NEDD4: variants seen among roughly 807,000 people sequenced by gnomAD.
NEDD4 encodes E3 ubiquitin-protein ligase NEDD4.
In NEDD4, 99 loss-of-function variants were observed where a neutral mutation model predicts 144.9. The observed-to-expected ratio is 0.68, with a 90% CI of 0.58 to 0.81. The LOEUF (loss-of-function observed/expected upper bound fraction) is 0.81, where lower values mean the gene tolerates loss of function less well. NEDD4 is among the 30% of genes least tolerant of loss of function. The pLI is 0.00. For missense variants in NEDD4, 985 were observed against 1,065.9 expected (o/e 0.92, Z 1.06); for synonymous variants, 318 against 350.6 (o/e 0.91, Z 1.04).
Position 55,966,563 on chromosome 15 carries a change from T to C in NEDD4, c.46-17A>G. 1 of 1,467,698 alleles carries C rather than the reference T, an allele frequency of 6.8e-7. No homozygotes were observed. The highest frequency in any genetic ancestry group is 9.1e-7 in the Non-Finnish European group (1 of 1,093,340). 90.9% of individuals were successfully genotyped at this position (1,467,698 alleles called of 1,614,324 possible). A position where few individuals can be genotyped will look rare whatever the true frequency, so the allele number is the denominator to read the frequency against. ...TGAATTTTCCTAAAATACAAAAATT[T>C]AGATTTCATTTTCATGTACTTATAA... On this transcript the variant is annotated splice_polypyrimidine_tract_variant and intron_variant, in intron 1 of 28. Coordinates refer to ENST00000435532, the MANE Select transcript of NEDD4 (RefSeq NM_006154.4).
intron 26 of NEDD4, 22 bp downstream of exon 26, chr15:55,834,016 G>T (rs534997328): frequency 6.5e-7 from 1 of 1,535,066 alleles, no homozygotes; most frequent in South Asian, 1.1e-5. Context: ...AGTAAGTTAT[G>T]AAAATAGAAG....
chr15:55,941,503 A>G (rs940731326), intron 4 of NEDD4, among the ~76,000 whole-genome samples: 6 of 151,976 alleles, frequency 3.9e-5, no homozygotes, highest in Non-Finnish European at 7.4e-5. Context: ...TGTGATATAC[A>G]TACGTGTGTT....
At chr15:55,861,715 C>T (rs1027817744) in intron 9 of NEDD4, among the ~76,000 whole-genome samples, 1 of 151,922 alleles carries the variant, frequency 6.6e-6, no homozygotes, top group Non-Finnish European at 1.5e-5. Context: ...GATTGAACAC[C>T]CTTACCCCAG....
chr15:55,980,828 G>A (rs184026709), intron 1 of NEDD4, among the ~76,000 whole-genome samples: 9 of 152,032 alleles, frequency 5.9e-5, no homozygotes, highest in Non-Finnish European at 8.8e-5. Flanking sequence ...CATTTTTACC[G>A]CACTGAATGG....
chr15:55,942,697 CA>C (rs1232193432), intron 4 of NEDD4, among the ~76,000 whole-genome samples: 1 of 152,078 alleles, frequency 6.6e-6, no homozygotes, highest in Non-Finnish European at 1.5e-5. Flanking sequence ...TTCTTTATAG[CA>C]ATGCAAGAAC....
At chr15:55,964,796 A>G (rs1156843824) in intron 2 of NEDD4, among the ~76,000 whole-genome samples, 1 of 150,978 alleles carries the variant, frequency 6.6e-6, no homozygotes, top group Non-Finnish European at 1.5e-5. Flanking sequence ...TTGATTTCCA[A>G]TGTGGGAATA....
Position 55,840,462 on chromosome 15 carries a change from A to T in NEDD4, c.2016T>A (p.His672Gln), listed in dbSNP as rs1295831954. The T allele has an allele frequency of 2.5e-6, 4 of 1,613,716 alleles. 1 individual carries two copies. The highest frequency in any genetic ancestry group is 3.3e-4 in the Middle Eastern group (2 of 6,062). Reference protein sequence around the residue: ...KMMLHKPITLHDMESVDSEYY... With the variant: ...KMMLHKPITLQDMESVDSEYY... ...AAAGACATACCACAGATTCCATATC[A>T]TGAAGGGTTATTGGTTTGTGAAGCA... The change falls in exon 21 of 29, where the codon CAT becomes CAA. Residue 672 changes from histidine to glutamine, a missense_variant. His to Gln is a conservative substitution (Grantham distance 24). Transcript: ENST00000435532.
At chr15:55,916,826 T>C in intron 5 of NEDD4, 2 of 1,592,744 alleles carry the variant, frequency 1.3e-6, no homozygotes, top group Non-Finnish European at 1.7e-6. Context: ...GTAAGCTTTG[T>C]GCCATTTGTT....
intron 4 of NEDD4, among the ~76,000 whole-genome samples, chr15:55,942,633 G>T (rs145114818): frequency 8.1e-4 from 123 of 152,282 alleles, no homozygotes; most frequent in African/African-American, 2.8e-3. Context: ...ACAGCCTGTG[G>T]AACTGTGAGT....
chr15:55,903,737 A>G (rs1217885158), intron 5 of NEDD4, among the ~76,000 whole-genome samples: 2 of 150,194 alleles, frequency 1.3e-5, no homozygotes, highest in Non-Finnish European at 3.0e-5. Flanking sequence ...AGGCAGGAGA[A>G]TGGCGTGAAC....
At chr15:55,981,953 A>C (rs2037811159) in intron 1 of NEDD4, among the ~76,000 whole-genome samples, 1 of 152,232 alleles carries the variant, frequency 6.6e-6, no homozygotes, top group Non-Finnish European at 1.5e-5. Context: ...TCTAAGAAAG[A>C]ACAACTCATC....
intron 5 of NEDD4, among the ~76,000 whole-genome samples, chr15:55,910,098 G>A (rs974862690): frequency 1.3e-5 from 2 of 152,274 alleles, no homozygotes; most frequent in East Asian, 3.9e-4. Context: ...AGGAAAAAGA[G>A]ACTGTACTCT....
At chr15:55,863,148 G>A in intron 8 of NEDD4, 69 bp from the exon 9 acceptor site, 1 of 1,305,866 alleles carries the variant, frequency 7.7e-7, no homozygotes, top group Non-Finnish European at 1.0e-6. Flanking sequence ...ATATGCTAAA[G>A]GAAATTTAAA....
intron 5 of NEDD4, among the ~76,000 whole-genome samples, chr15:55,887,138 A>T (rs1465147241): frequency 6.6e-6 from 1 of 152,102 alleles, no homozygotes; most frequent in Non-Finnish European, 1.5e-5. Context: ...AATAAAAGAG[A>T]TAATAATGAT....
intron 24 of NEDD4, among the ~76,000 whole-genome samples, chr15:55,835,945 C>G (rs1159848221): frequency 6.6e-6 from 1 of 152,190 alleles, no homozygotes; most frequent in Non-Finnish European, 1.5e-5. Flanking sequence ...ACTCCGAACT[C>G]TACCACTTCA....
At chr15:55,937,523 C>G (rs1208918223) in intron 4 of NEDD4, among the ~76,000 whole-genome samples, 1 of 151,882 alleles carries the variant, frequency 6.6e-6, no homozygotes, top group Non-Finnish European at 1.5e-5. Context: ...AAATGTGTAG[C>G]CTGTGATCCC....
intron 5 of NEDD4, among the ~76,000 whole-genome samples, chr15:55,881,065 G>A (rs1387922804): frequency 1.3e-5 from 2 of 151,704 alleles, no homozygotes; most frequent in African/African-American, 2.4e-5. Flanking sequence ...AACATGAGTT[G>A]ATGATAATTT....
At position 55,850,651 on chromosome 15, in the gene NEDD4, G is replaced by T. The variant is rs1486663434; in HGVS notation, c.1238C>A (p.Thr413Asn). The change falls in exon 14 of 29, where the codon ACC (threonine) becomes AAC (asparagine). Residue 413 changes from threonine to asparagine, a missense_variant. Physicochemically the swap from Thr to Asn is moderately conservative, Grantham distance 65. Coordinates refer to ENST00000435532, the MANE Select transcript of NEDD4 (RefSeq NM_006154.4). ...ASTSDSGQQV[T>N]QPSEIEQGFL... The stretch of plus-strand genomic sequence containing the variant: ...TCCTTGCTCAATTTCAGATGGCTGG[G>T]TCACCTGCTGGCCTGAATCACTGGT... 1.2e-6 allele frequency: 2 copies of T among 1,613,996 alleles called. No individual in the cohort carries two copies. The highest frequency in any genetic ancestry group is 1.7e-6 in the Non-Finnish European group (2 of 1,180,034).
chr15:55,861,417 T>C (rs1310171647), intron 9 of NEDD4, among the ~76,000 whole-genome samples: 5 of 152,104 alleles, frequency 3.3e-5, no homozygotes, highest in Non-Finnish European at 7.4e-5. Context: ...TAAATCAGAT[T>C]GGACGGTTAA....
Sources: gnomAD v4.1 joint callset for allele counts (sites outside exome capture counted in the v4.1 genomes callset) on GRCh38, gnomAD v4.1.1 for gene constraint, MANE v1.5 for transcripts, NCBI Gene and HGNC (gene_info 2026-07-23, HGNC 2026-07-21) for gene names.